The following CNTN5 variants were observed in gnomAD, a reference collection of about 807,000 sequenced individuals.
CNTN5 encodes the protein contactin 5.
Under a neutral mutation model 129.1 loss-of-function variants are expected in CNTN5, and 77 were observed. That is an observed-to-expected ratio of 0.60 (90% CI 0.50 to 0.72). The LOEUF is 0.72. Among genes scored for constraint, CNTN5 ranks in the 30% least tolerant of loss-of-function variants. The probability of loss-of-function intolerance (pLI) is 0.00; values close to 1 mark genes in which losing one functional copy is unlikely to be tolerated. For missense variants in CNTN5, 1,478 were observed against 1,328.8 expected, an observed-to-expected ratio of 1.11 and a Z score of -1.75; for synonymous variants, 509 against 465.6, an observed-to-expected ratio of 1.09 and a Z score of -1.20.
chr11:99,827,614 G>C (rs1038901674), intron 4 of CNTN5, among the ~76,000 whole-genome samples: 1 of 152,166 alleles, frequency 6.6e-6, no homozygotes. Context: ...TGTTAGGTCT[G>C]TTTTGGCCCA....
rs540054155 is a variant in CNTN5 at position 99,738,557 on chromosome 11, G to A, written c.56-80987G>A. ...AAATAATAGAAGGAAAGTGCTGAAA[G>A]CAGAAAAAATAACCCAGAAAAGGCA... On this transcript the variant is annotated intron_variant, in intron 3 of 24. Transcript: ENST00000524871. 1.1e-3 allele frequency among the ~76,000 whole-genome samples: 166 copies of A among 151,256 alleles called. 1 individual carries two copies. Among genetic ancestry groups the A allele is most frequent in the African/African-American group, 4.0e-3 (164 of 41,194 alleles).
At chr11:100,106,383 C>G (rs749891351) in intron 13 of CNTN5, among the ~76,000 whole-genome samples, 1 of 152,110 alleles carries the variant, frequency 6.6e-6, no homozygotes, top group Admixed American at 6.6e-5. Context: ...AGCTAGACTG[C>G]GTGATGCAAA....
intron 7 of CNTN5, among the ~76,000 whole-genome samples, chr11:99,919,331 T>A (rs553185614): frequency 1.3e-5 from 2 of 152,090 alleles, no homozygotes; most frequent in South Asian, 4.2e-4. Context: ...TGCATTTTTA[T>A]CAGAGTTTGA....
chr11:99,642,543 C>T (rs975469467), intron 3 of CNTN5, among the ~76,000 whole-genome samples: 1 of 152,116 alleles, frequency 6.6e-6, no homozygotes, highest in African/African-American at 2.4e-5. Context: ...TACATTTATA[C>T]ATCGTGTAAT....
chr11:99,441,604 T>A (rs1943830801), intron 2 of CNTN5, among the ~76,000 whole-genome samples: 1 of 152,196 alleles, frequency 6.6e-6, no homozygotes, highest in African/African-American at 2.4e-5. Context: ...CCTTTTTCAT[T>A]GATGATTGGA....
intron 4 of CNTN5, among the ~76,000 whole-genome samples, chr11:99,820,797 A>G (rs893234072): frequency 3.3e-5 from 5 of 152,250 alleles, no homozygotes; most frequent in African/African-American, 9.6e-5. Context: ...TTTTAAGACT[A>G]GTACACTTAG....
intron 1 of CNTN5, among the ~76,000 whole-genome samples, chr11:99,312,639 T>G (rs1865161894): frequency 1.3e-5 from 2 of 152,172 alleles, no homozygotes; most frequent in Non-Finnish European, 1.5e-5. Flanking sequence ...AGCCTTTCTA[T>G]ATCTCTGTTC....
intron 1 of CNTN5, among the ~76,000 whole-genome samples, chr11:99,213,764 A>T (rs182259645): frequency 6.6e-6 from 1 of 152,026 alleles, no homozygotes; most frequent in East Asian, 1.9e-4. Context: ...GGATTATGCT[A>T]TTGTCTGCCT....
At chr11:99,169,170 T>A (rs1282569632) in intron 1 of CNTN5, among the ~76,000 whole-genome samples, 2 of 152,186 alleles carry the variant, frequency 1.3e-5, no homozygotes, top group Middle Eastern at 3.2e-3. Context: ...ATACATGTAC[T>A]TTGCCCTTAT....
At chr11:100,284,120 G>T (rs1396669533) in intron 18 of CNTN5, among the ~76,000 whole-genome samples, 2 of 152,086 alleles carry the variant, frequency 1.3e-5, no homozygotes, top group Non-Finnish European at 2.9e-5. Context: ...TGTGTTGTGG[G>T]GCCACTGCTG....
chr11:99,267,918 ACG>A (rs762973737), intron 1 of CNTN5, among the ~76,000 whole-genome samples: 57 of 117,188 alleles, frequency 4.9e-4, no homozygotes, highest in Admixed American at 1.5e-3. Flanking sequence ...ACACACACAC[ACG>A]CACACACACA....
intron 3 of CNTN5, among the ~76,000 whole-genome samples, chr11:99,591,337 C>CTTTTTTTTTT (rs10633238): frequency 8.8e-6 from 1 of 113,100 alleles, no homozygotes; most frequent in Non-Finnish European, 1.7e-5. Context: ...TCAACAAAAC[C>CTTTTTTTTTT]TTTTTTTTTT....
At chr11:100,028,985 G>T (rs1264099902) in intron 9 of CNTN5, among the ~76,000 whole-genome samples, 1 of 151,882 alleles carries the variant, frequency 6.6e-6, no homozygotes, top group Non-Finnish European at 1.5e-5. Flanking sequence ...CATCAGATTT[G>T]GCATTCCTAA....
intron 2 of CNTN5, among the ~76,000 whole-genome samples, chr11:99,414,319 T>A (rs1942540594): frequency 6.6e-6 from 1 of 152,148 alleles, no homozygotes. Context: ...GTGATGCTCT[T>A]TCTCTGCCCC....
chr11:99,983,271 T>G (rs1318666642), intron 8 of CNTN5, among the ~76,000 whole-genome samples: 2 of 152,208 alleles, frequency 1.3e-5, no homozygotes, highest in Non-Finnish European at 2.9e-5. Context: ...GAGATAAGGT[T>G]TAAAAATTAC....
chr11:99,941,241 G>A (rs10501935), intron 7 of CNTN5, among the ~76,000 whole-genome samples: 21,338 of 151,676 alleles, frequency 0.14, 1,667 homozygotes, highest in East Asian at 0.3. Flanking sequence ...CTATATATTA[G>A]GATACATGCA....
intron 1 of CNTN5, among the ~76,000 whole-genome samples, chr11:99,137,611 A>G (rs1414098235): frequency 2.0e-5 from 3 of 152,186 alleles, no homozygotes; most frequent in Non-Finnish European, 4.4e-5. Flanking sequence ...ATCTAAAGGT[A>G]TAAGTATTCA....
At chr11:99,910,236 A>AG (rs1214200675) in intron 6 of CNTN5, among the ~76,000 whole-genome samples, 4 of 152,080 alleles carry the variant, frequency 2.6e-5, no homozygotes, top group South Asian at 2.1e-4. Context: ...AGTTGATCAC[A>AG]GACCCACAAG....
At chr11:99,985,629 A>G (rs1209183787) in intron 8 of CNTN5, among the ~76,000 whole-genome samples, 1 of 152,192 alleles carries the variant, frequency 6.6e-6, no homozygotes, top group Non-Finnish European at 1.5e-5. Context: ...TTCAGCTTGA[A>G]GGTGGAGTTT....
Sources: gnomAD v4.1 joint callset for allele counts (sites outside exome capture counted in the v4.1 genomes callset) on GRCh38, gnomAD v4.1.1 for gene constraint, MANE v1.5 for transcripts, NCBI Gene and HGNC (gene_info 2026-07-23, HGNC 2026-07-21) for gene names.